Variants in PBLD observed in about 807,000 individuals in gnomAD.
The protein encoded by PBLD is phenazine biosynthesis like protein domain containing, also known as phenazine biosynthesis-like domain-containing protein.
PBLD carries 26 observed loss-of-function variants against 31.3 expected under a neutral mutation model. That is an observed-to-expected ratio of 0.83 (90% CI 0.61 to 1.15). The LOEUF is 1.15. PBLD is among the 50% of genes most tolerant of loss of function. The probability of loss-of-function intolerance (pLI) is 0.00; values close to 1 mark genes in which losing one functional copy is unlikely to be tolerated. For synonymous variants in PBLD, 114 were observed against 129.0 expected, an observed-to-expected ratio of 0.88 and a Z score of 0.79; for missense variants, 307 against 351.7, an observed-to-expected ratio of 0.87 and a Z score of 1.02.
intron 1 of PBLD, 85 bp from the exon 2 acceptor site, chr10:68,306,988 T>C: frequency 1.6e-6 from 1 of 607,110 alleles, no homozygotes. Flanking sequence ...AGTCAAGCAA[T>C]TATTCAAAGA....
intron 1 of PBLD, among the ~76,000 whole-genome samples, chr10:68,329,498 G>T (rs10998070): frequency 0.042 from 6,368 of 152,260 alleles, 165 homozygotes; most frequent in African/African-American, 0.046. Context: ...CTGCCAAATC[G>T]GTTGAAAGAC....
chr10:68,296,484 A>C, intron 3 of PBLD, 120 bp from the exon 4 acceptor site: 2 of 697,230 alleles, frequency 2.9e-6, no homozygotes, highest in Non-Finnish European at 4.9e-6. Flanking sequence ...AACATGTTGT[A>C]AAAGGAGGAA....
intron 6 of PBLD, among the ~76,000 whole-genome samples, chr10:68,289,812 C>G (rs929676416): frequency 1.3e-5 from 2 of 152,030 alleles, no homozygotes; most frequent in Non-Finnish European, 2.9e-5. Flanking sequence ...TAAATAAAAT[C>G]GTATATGTGG....
intron 1 of PBLD, among the ~76,000 whole-genome samples, chr10:68,314,041 A>G (rs566357202): frequency 4.4e-4 from 67 of 152,114 alleles, no homozygotes; most frequent in Non-Finnish European, 9.1e-4. Flanking sequence ...CAGTGGCACA[A>G]TCTTGGCTCA....
At chr10:68,286,230 G>A (rs539847819) in intron 8 of PBLD, among the ~76,000 whole-genome samples, 2 of 152,100 alleles carry the variant, frequency 1.3e-5, no homozygotes, top group South Asian at 2.1e-4. Context: ...TGGGATTACA[G>A]GCATGAGCCA....
At position 68,282,799 on chromosome 10, in the gene PBLD, A is replaced by G. The variant is rs988736367; in HGVS notation, c.*1378T>C. 1 of 152,228 alleles carries G rather than the reference A, an allele frequency of 6.6e-6. No homozygotes were observed. The highest frequency in any genetic ancestry group is 1.5e-5 in the Non-Finnish European group (1 of 68,036). 9.4% of individuals were successfully genotyped at this position (152,228 alleles called of 1,614,324 possible). Reference sequence around the variant, plus strand: ...TTAAAGTGAAAAAATTGGGGTCATTAAAGAATGTCTGACTGATTAGCTTGC... The same window carrying G: ...TTAAAGTGAAAAAATTGGGGTCATTGAAGAATGTCTGACTGATTAGCTTGC... On this transcript the variant is annotated 3_prime_UTR_variant, in exon 10 of 10. Coordinates refer to ENST00000358769, the MANE Select transcript of PBLD (RefSeq NM_022129.4).
intron 2 of PBLD, among the ~76,000 whole-genome samples, chr10:68,300,643 T>TC (rs57414960): frequency 0.79 from 118,967 of 151,228 alleles, 47,403 homozygotes; most frequent in Non-Finnish European, 0.86. Context: ...TAAGCCATGG[T>TC]TGTGTTCAAG....
chr10:68,307,646 C>A (rs1056251757), intron 1 of PBLD, among the ~76,000 whole-genome samples: 10 of 151,950 alleles, frequency 6.6e-5, no homozygotes, highest in Non-Finnish European at 1.5e-4. Context: ...ACTACAGGCG[C>A]CCGCCACTGC....
At chr10:68,323,828 T>C (rs1260280508) in intron 1 of PBLD, among the ~76,000 whole-genome samples, 1 of 152,240 alleles carries the variant, frequency 6.6e-6, no homozygotes, top group African/African-American at 2.4e-5. Flanking sequence ...ATTCTCATTC[T>C]AGTTTTTACA....
chr10:68,285,349 A>G lies in PBLD; in HGVS notation c.753T>C (p.His251=), dbSNP rs767487899. The G allele has an allele frequency of 5.0e-6, 8 of 1,614,114 alleles. No individual in the cohort carries two copies. In the East Asian group the frequency reaches 1.6e-4, roughly 31 times the overall value. ...WSQHLGKKEM[H]AFQCSHRGGE... ...GAAATTGGTAAAGAGCTGTCCTACC[A>G]TGCATTTCTTTCTTCCCCAGATGCT... The change falls in exon 9 of 10, where the codon CAT becomes CAC. Residue 251 remains histidine (H), a splice_region_variant and synonymous_variant. Transcript: ENST00000358769.
chr10:68,328,106 T>C (rs575464148), intron 1 of PBLD, among the ~76,000 whole-genome samples: 25 of 152,198 alleles, frequency 1.6e-4, no homozygotes, highest in Non-Finnish European at 2.8e-4. Context: ...TAAAGGAGAT[T>C]AGTGCTTTCT....
intron 1 of PBLD, among the ~76,000 whole-genome samples, chr10:68,311,136 T>C (rs1437236908): frequency 6.6e-6 from 1 of 152,134 alleles, no homozygotes; most frequent in Non-Finnish European, 1.5e-5. Context: ...GCTTTCAGTG[T>C]GTTTTCAGTT....
Position 68,290,610 on chromosome 10 carries a change from G to A in PBLD, c.423+1400C>T, listed in dbSNP as rs554740524. Among the ~76,000 whole-genome samples, 6 of 152,210 alleles carry A rather than the reference G, an allele frequency of 3.9e-5. No individual in the cohort carries two copies. The East Asian group carries it at 9.7e-4, about 25-fold the overall frequency. On this transcript the variant is annotated intron_variant, in intron 6 of 9. Transcript: ENST00000358769. ...CGCATGCCTGTAATCTCAGCTACTT[G>A]CGAGGCTGAGGCAGGAGAATTGCTA...
chr10:68,321,072 T>G (rs2044828811), intron 1 of PBLD, among the ~76,000 whole-genome samples: 1 of 152,204 alleles, frequency 6.6e-6, no homozygotes, highest in Non-Finnish European at 1.5e-5. Flanking sequence ...TCCACCCACC[T>G]CGGCCTCCCA....
chr10:68,308,738 G>A (rs538413140), intron 1 of PBLD, among the ~76,000 whole-genome samples: 4 of 149,926 alleles, frequency 2.7e-5, no homozygotes, highest in African/African-American at 7.4e-5. Context: ...ACAGGGTTTC[G>A]CCATGTTGGC....
At chr10:68,331,243 T>C (rs2045070380) in intron 1 of PBLD, 1 of 152,148 alleles carries the variant, frequency 6.6e-6, no homozygotes, top group Admixed American at 6.5e-5. Context: ...ACTTATTTAT[T>C]AGGTGTCACT....
chr10:68,297,348 A>T (rs1024475535), intron 2 of PBLD, among the ~76,000 whole-genome samples: 1 of 152,196 alleles, frequency 6.6e-6, no homozygotes, highest in Non-Finnish European at 1.5e-5. Flanking sequence ...GGTGAAAGCG[A>T]GGTTCAGCAC....
In PBLD at chr10:68,284,374, A is replaced by T. The variant is rs114278881; in HGVS notation, c.755-85T>A. The T allele has an allele frequency of 5.0e-4, 577 of 1,152,868 alleles. 2 individuals carry two copies. The African/African-American group carries it at 7.9e-3, about 16-fold the overall frequency. The allele number at this position is 1,152,868 out of a possible 1,614,324, so 71.4% of individuals were successfully genotyped here. A position where few individuals can be genotyped will look rare whatever the true frequency, so the allele number is the denominator to read the frequency against. On this transcript the variant is annotated intron_variant, in intron 9 of 9. Coordinates refer to ENST00000358769, the MANE Select transcript of PBLD (RefSeq NM_022129.4). The stretch of plus-strand genomic sequence containing the variant: ...TAGTGAAAGACTTATTACAAATCTT[A>T]GAGTCCTCCCAGATCAGTTTCAAGA...
intron 4 of PBLD, among the ~76,000 whole-genome samples, chr10:68,294,295 G>C (rs1185806096): frequency 6.6e-6 from 1 of 152,060 alleles, no homozygotes; most frequent in African/African-American, 2.4e-5. Context: ...CCCTTCTCTG[G>C]TGGGTGCTGA....
Sources: allele counts gnomAD v4.1 joint callset (sites outside exome capture counted in the v4.1 genomes callset), GRCh38; gene constraint gnomAD v4.1.1; transcripts MANE v1.5; gene names NCBI Gene and HGNC (gene_info 2026-07-23, HGNC 2026-07-21).